LRMDA: variants seen among roughly 807,000 people sequenced by gnomAD.
LRMDA encodes the protein leucine rich melanocyte differentiation associated.
A neutral mutation model predicts 29.8 loss-of-function variants in LRMDA; 18 were observed. The observed-to-expected ratio is 0.60, with a 90% CI of 0.42 to 0.90. The LOEUF (loss-of-function observed/expected upper bound fraction) is 0.90, where lower values mean the gene tolerates loss of function less well. Among genes scored for constraint, LRMDA ranks in the 40% least tolerant of loss-of-function variants. LRMDA has a pLI of 0.00. For missense variants in LRMDA, 273 were observed against 273.9 expected (o/e 1.00, Z 0.02); for synonymous variants, 125 against 109.4 (o/e 1.14, Z -0.89).
At chr10:75,935,353 A>C (rs1846271632) in intron 2 of LRMDA, among the ~76,000 whole-genome samples, 1 of 152,226 alleles carries the variant, frequency 6.6e-6, no homozygotes, top group Non-Finnish European at 1.5e-5. Flanking sequence ...GATTGGAAGC[A>C]TGATAAATGC....
At chr10:75,562,954 C>T (rs749995455) in intron 2 of LRMDA, among the ~76,000 whole-genome samples, 114 of 152,206 alleles carry the variant, frequency 7.5e-4, no homozygotes, top group Non-Finnish European at 1.5e-3. Flanking sequence ...TCTCTGGCTG[C>T]CCTTAACATT....
chr10:76,533,952 C>G (rs895477515), intron 6 of LRMDA, among the ~76,000 whole-genome samples: 1 of 152,302 alleles, frequency 6.6e-6, no homozygotes, highest in African/African-American at 2.4e-5. Flanking sequence ...GTAGACAGAT[C>G]AGACTTCTTG....
At chr10:76,308,623 C>T (rs889179241) in intron 5 of LRMDA, among the ~76,000 whole-genome samples, 2 of 152,142 alleles carry the variant, frequency 1.3e-5, no homozygotes, top group African/African-American at 4.8e-5. Flanking sequence ...CTGCTGCTTT[C>T]TCACCAATCT....
intron 5 of LRMDA, among the ~76,000 whole-genome samples, chr10:76,242,955 C>T (rs1852304490): frequency 6.6e-6 from 1 of 152,122 alleles, no homozygotes; most frequent in African/African-American, 2.4e-5. Context: ...GCAGCTCTTC[C>T]ACGTTTAGAC....
chr10:76,224,690 T>A (rs1029528021), intron 5 of LRMDA, among the ~76,000 whole-genome samples: 1 of 144,290 alleles, frequency 6.9e-6, no homozygotes, highest in African/African-American at 2.7e-5. Flanking sequence ...TTTTTTTTTT[T>A]ACCGGACAAA....
chr10:76,346,441 C>T (rs778637327), intron 6 of LRMDA: 1 of 152,028 alleles, frequency 6.6e-6, no homozygotes, highest in Non-Finnish European at 1.5e-5. Context: ...TTTAAATATT[C>T]CAGTGTTGAG....
At chr10:75,580,317 C>A (rs1340572130) in intron 2 of LRMDA, among the ~76,000 whole-genome samples, 1 of 152,162 alleles carries the variant, frequency 6.6e-6, no homozygotes, top group Non-Finnish European at 1.5e-5. Flanking sequence ...AACTCCCATT[C>A]ACAACTGCTA....
intron 2 of LRMDA, among the ~76,000 whole-genome samples, chr10:76,019,956 G>A (rs985215637): frequency 3.3e-5 from 5 of 152,182 alleles, no homozygotes; most frequent in Admixed American, 6.5e-5. Context: ...GGTGGTCCAC[G>A]AGCCACTCTT....
At chr10:76,554,602 C>T (rs957307254) in intron 6 of LRMDA, among the ~76,000 whole-genome samples, 10 of 152,174 alleles carry the variant, frequency 6.6e-5, no homozygotes, top group African/African-American at 2.4e-4. Context: ...AACATTCTTG[C>T]TTCCAGGCCC....
chr10:75,539,634 A>G (rs1296887351), intron 2 of LRMDA, among the ~76,000 whole-genome samples: 2 of 152,224 alleles, frequency 1.3e-5, no homozygotes, highest in Non-Finnish European at 2.9e-5. Context: ...AACTTCTCAC[A>G]TGGTTTTCTC....
chr10:76,225,771 C>G (rs1851944876), intron 5 of LRMDA, among the ~76,000 whole-genome samples: 1 of 150,840 alleles, frequency 6.6e-6, no homozygotes, highest in South Asian at 2.1e-4. Context: ...TACATGTGCA[C>G]AACATGCAGG....
At chr10:76,376,867 T>G (rs1207705250) in intron 6 of LRMDA, among the ~76,000 whole-genome samples, 5 of 36,512 alleles carry the variant, frequency 1.4e-4, no homozygotes, top group African/African-American at 7.9e-4. Context: ...TTGGAAGTCT[T>G]TTTTTTTTTT....
intron 6 of LRMDA, among the ~76,000 whole-genome samples, chr10:76,541,867 T>C (rs1843360128): frequency 6.6e-6 from 1 of 152,156 alleles, no homozygotes; most frequent in Non-Finnish European, 1.5e-5. Context: ...CCGCAAAAGG[T>C]TAATAGTCAT....
chr10:76,093,185 C>T (rs1849258320), intron 5 of LRMDA, among the ~76,000 whole-genome samples: 1 of 151,858 alleles, frequency 6.6e-6, no homozygotes, highest in Non-Finnish European at 1.5e-5. Context: ...TTACAGGCGC[C>T]CGCCACCATG....
intron 2 of LRMDA, among the ~76,000 whole-genome samples, chr10:75,975,609 A>G (rs76647648): frequency 1.1e-3 from 173 of 152,300 alleles, no homozygotes; most frequent in Non-Finnish European, 2.2e-3. Flanking sequence ...TGCCCATGGC[A>G]TGCTCTCCTT....
At chr10:75,763,524 C>T (rs867619142) in intron 2 of LRMDA, among the ~76,000 whole-genome samples, 1 of 152,150 alleles carries the variant, frequency 6.6e-6, no homozygotes, top group Non-Finnish European at 1.5e-5. Context: ...GAGTTATACA[C>T]AGTAGACAAG....
At chr10:76,304,902 G>A (rs1564717465) in intron 5 of LRMDA, among the ~76,000 whole-genome samples, 1 of 152,152 alleles carries the variant, frequency 6.6e-6, no homozygotes, top group Non-Finnish European at 1.5e-5. Flanking sequence ...GGTGAGGAGT[G>A]AAGGCAAAAG....
chr10:75,674,584 G>A (rs951793626), intron 2 of LRMDA, among the ~76,000 whole-genome samples: 54 of 151,980 alleles, frequency 3.6e-4, no homozygotes, highest in Admixed American at 1.3e-4. Context: ...TGAATAATGC[G>A]ATCCTTAAAG....
chr10:75,849,321 T>G (rs1844692448), intron 2 of LRMDA, among the ~76,000 whole-genome samples: 2 of 152,092 alleles, frequency 1.3e-5, no homozygotes, highest in Admixed American at 1.3e-4. Flanking sequence ...TGTAGGCCTT[T>G]AGAAAGCCCT....
Sources: allele counts gnomAD v4.1 joint callset (sites outside exome capture counted in the v4.1 genomes callset), GRCh38; gene constraint gnomAD v4.1.1; transcripts MANE v1.5; gene names NCBI Gene and HGNC (gene_info 2026-07-23, HGNC 2026-07-21).